Variants in C8orf34 observed in about 807,000 individuals in gnomAD.
The protein encoded by C8orf34 is chromosome 8 open reading frame 34, also known as uncharacterized protein C8orf34.
In C8orf34, 65 loss-of-function variants were observed where a neutral mutation model predicts 68.3. The observed-to-expected ratio is 0.95, with a 90% confidence interval of 0.78 to 1.17. The LOEUF is 1.17. Among genes scored for constraint, C8orf34 ranks in the 50% most tolerant of loss-of-function variants. The pLI is 0.00. For synonymous variants in C8orf34, 244 were observed against 241.2 expected, an observed-to-expected ratio of 1.01 and a Z score of -0.11; for missense variants, 664 against 655.4, an observed-to-expected ratio of 1.01 and a Z score of -0.14.
chr8:68,584,865 A>G (rs903676068), intron 7 of C8orf34, among the ~76,000 whole-genome samples: 12 of 152,200 alleles, frequency 7.9e-5, no homozygotes, highest in African/African-American at 1.9e-4. Context: ...CATAAAGAAC[A>G]TGGACTTAGA....
At chr8:68,426,651 A>T (rs1586117006) in intron 1 of C8orf34, among the ~76,000 whole-genome samples, 1 of 151,774 alleles carries the variant, frequency 6.6e-6, no homozygotes, top group East Asian at 1.9e-4. Context: ...AAAACATATT[A>T]AAAAAAAGAA....
At chr8:68,714,009 C>T (rs1311535522) in intron 9 of C8orf34, among the ~76,000 whole-genome samples, 1 of 151,984 alleles carries the variant, frequency 6.6e-6, no homozygotes, top group Non-Finnish European at 1.5e-5. Context: ...ATAAATATAG[C>T]ATACCACGTA....
intron 10 of C8orf34, among the ~76,000 whole-genome samples, chr8:68,757,344 TGTTAGCCGGGCGCAGTGG>T (rs1275770076): frequency 1.5e-4 from 23 of 152,010 alleles, no homozygotes; most frequent in African/African-American, 5.6e-4. Context: ...AAAACAAAAA[TGTTAGCCGGGCGCAGTGG>T]CTCATGCCTG....
At chr8:68,636,219 T>C (rs1195322014) in intron 7 of C8orf34, among the ~76,000 whole-genome samples, 1 of 152,096 alleles carries the variant, frequency 6.6e-6, no homozygotes, top group Non-Finnish European at 1.5e-5. Context: ...CTGATCTTTA[T>C]TGATGAAGTC....
At chr8:68,608,306 C>CT (rs1044204446) in intron 7 of C8orf34, among the ~76,000 whole-genome samples, 1 of 137,048 alleles carries the variant, frequency 7.3e-6, no homozygotes, top group African/African-American at 3.3e-5. Flanking sequence ...TAAAAGCGAT[C>CT]TTCTAGGAGA....
chr8:68,365,732 T>C lies in C8orf34; in HGVS notation c.327+34393T>C, dbSNP rs1346194391. ...TAAAAACTCTCAATAAATTAGGTAT[T>C]GATGGGACGTATTTCAAAATAATAA... On this transcript the variant is annotated intron_variant, in intron 1 of 13. Coordinates refer to ENST00000518698, the MANE Select transcript of C8orf34 (RefSeq NM_052958.4). 6.1e-5 allele frequency among the ~76,000 whole-genome samples: 4 copies of C among 65,546 alleles called. 2 individuals carry two copies. Among genetic ancestry groups the C allele is most frequent in the Admixed American group, 5.6e-4 (4 of 7,124 alleles). 43.0% of individuals were successfully genotyped at this position (65,546 alleles called of 152,430 possible).
At chr8:68,681,536 A>G (rs190622595) in intron 8 of C8orf34, among the ~76,000 whole-genome samples, 207 of 152,266 alleles carry the variant, frequency 1.4e-3, no homozygotes, top group African/African-American at 4.7e-3. Flanking sequence ...AATGTGGAGA[A>G]AAGGGAGCAT....
chr8:68,336,706 A>G (rs1329062192), intron 1 of C8orf34, among the ~76,000 whole-genome samples: 2 of 152,164 alleles, frequency 1.3e-5, no homozygotes, highest in African/African-American at 2.4e-5. Context: ...TAGCATCCAC[A>G]TTTTGGTTTC....
chr8:68,769,107 G>A (rs954928486), intron 10 of C8orf34, among the ~76,000 whole-genome samples: 1 of 151,872 alleles, frequency 6.6e-6, no homozygotes, highest in African/African-American at 2.4e-5. Flanking sequence ...CAGGCATGCA[G>A]TGCAATGTGT....
rs1457899026 is a variant in C8orf34 at position 68,815,790 on chromosome 8, A to T, written c.1550-96A>T. 3 of 1,603,158 alleles carry T rather than the reference A, an allele frequency of 1.9e-6. No homozygotes were observed. The South Asian group carries it at 3.3e-5, about 18-fold the overall frequency. ...GTAGTTTTAATATTAATTTCAATTA[A>T]TCTTCACTAGAAATTGGCTAAAGCG... On this transcript the variant is annotated intron_variant, in intron 12 of 13. Coordinates refer to ENST00000518698, the MANE Select transcript of C8orf34 (RefSeq NM_052958.4).
At chr8:68,429,618 A>ATGG (rs1810370485) in intron 1 of C8orf34, among the ~76,000 whole-genome samples, 1 of 152,224 alleles carries the variant, frequency 6.6e-6, no homozygotes, top group Non-Finnish European at 1.5e-5. Context: ...AAATACTCAA[A>ATGG]TACCTTTAAT....
intron 10 of C8orf34, among the ~76,000 whole-genome samples, chr8:68,775,499 CTG>C (rs5892155): frequency 0.5 from 75,222 of 151,742 alleles, 21,125 homozygotes; most frequent in African/African-American, 0.77. Flanking sequence ...CAATTTGAAT[CTG>C]TGATTACTAG....
chr8:68,387,762 T>C (rs1226700015), intron 1 of C8orf34, among the ~76,000 whole-genome samples: 2 of 152,218 alleles, frequency 1.3e-5, no homozygotes, highest in Admixed American at 1.3e-4. Flanking sequence ...TCTACCTATC[T>C]CATCATTTAT....
chr8:68,754,495 G>A (rs1822796125), intron 10 of C8orf34, among the ~76,000 whole-genome samples: 1 of 152,204 alleles, frequency 6.6e-6, no homozygotes, highest in Admixed American at 6.5e-5. Context: ...AAGGTTGGAA[G>A]CTTGAGGCCA....
At chr8:68,398,510 G>A (rs1188384292) in intron 1 of C8orf34, among the ~76,000 whole-genome samples, 1 of 151,550 alleles carries the variant, frequency 6.6e-6, no homozygotes, top group Admixed American at 6.6e-5. Flanking sequence ...ATTTTTTTTG[G>A]TGTGGTAAAA....
At chr8:68,757,837 A>G (rs1431866134) in intron 10 of C8orf34, among the ~76,000 whole-genome samples, 1 of 152,166 alleles carries the variant, frequency 6.6e-6, no homozygotes, top group African/African-American at 2.4e-5. Flanking sequence ...TTTAGCTCTA[A>G]GATGTTGGGC....
chr8:68,706,853 G>A (rs1168758959), intron 8 of C8orf34, among the ~76,000 whole-genome samples: 1 of 152,108 alleles, frequency 6.6e-6, no homozygotes, highest in Non-Finnish European at 1.5e-5. Flanking sequence ...CAGTTTGGTG[G>A]GTCAGGCAGC....
chr8:68,381,323 C>T (rs920092241), intron 1 of C8orf34, among the ~76,000 whole-genome samples: 2 of 152,158 alleles, frequency 1.3e-5, no homozygotes, highest in Non-Finnish European at 2.9e-5. Context: ...GCTTACATCT[C>T]ATATATGGCT....
chr8:68,673,604 C>T (rs1391685994), intron 8 of C8orf34, among the ~76,000 whole-genome samples: 5 of 152,160 alleles, frequency 3.3e-5, no homozygotes, highest in Non-Finnish European at 7.3e-5. Flanking sequence ...GACTTGGGTG[C>T]TAGCTCATCC....
Sources: allele counts gnomAD v4.1 joint callset (sites outside exome capture counted in the v4.1 genomes callset), GRCh38; gene constraint gnomAD v4.1.1; transcripts MANE v1.5; gene names NCBI Gene and HGNC (gene_info 2026-07-23, HGNC 2026-07-21).